Variants in PTPRG observed in about 807,000 individuals in gnomAD.
The protein encoded by PTPRG is receptor-type tyrosine-protein phosphatase gamma.
PTPRG carries 102 observed loss-of-function variants against 165.3 expected under a neutral mutation model. The observed-to-expected ratio is 0.62, with a 90% CI of 0.53 to 0.73. PTPRG has a LOEUF of 0.73. Ranked by LOEUF, PTPRG falls within the 30% of genes least tolerant of loss-of-function variation. The pLI is 0.00. For synonymous variants in PTPRG, 675 were observed against 669.5 expected (o/e 1.01, Z -0.13); for missense variants, 1,866 against 1,861.4 (o/e 1.00, Z -0.05).
chr3:61,975,802 A>G (rs1033861150), intron 2 of PTPRG, among the ~76,000 whole-genome samples: 3 of 152,196 alleles, frequency 2.0e-5, no homozygotes, highest in Non-Finnish European at 4.4e-5. Context: ...TGTGGTCTGT[A>G]AAGATTTTCA....
At chr3:61,845,286 C>T (rs2036774974) in intron 2 of PTPRG, among the ~76,000 whole-genome samples, 1 of 152,122 alleles carries the variant, frequency 6.6e-6, no homozygotes, top group African/African-American at 2.4e-5. Flanking sequence ...GATGGGAGAG[C>T]AGCTTGTGGT....
chr3:61,750,180 T>C (rs2033373990), intron 2 of PTPRG: 1 of 152,182 alleles, frequency 6.6e-6, no homozygotes, highest in Non-Finnish European at 1.5e-5. Context: ...ATGAAGGAAA[T>C]TGGCAGATGA....
chr3:62,131,376 G>A (rs1436523499), intron 5 of PTPRG, among the ~76,000 whole-genome samples: 2 of 152,202 alleles, frequency 1.3e-5, no homozygotes, highest in Admixed American at 6.5e-5. Flanking sequence ...AGTGTGTGCA[G>A]TGTGTGTTAT....
chr3:62,146,105 T>C (rs989246748), intron 6 of PTPRG, among the ~76,000 whole-genome samples: 7 of 152,226 alleles, frequency 4.6e-5, no homozygotes, highest in Admixed American at 6.5e-5. Flanking sequence ...AGTGATAATA[T>C]TGGGTTTTTG....
At chr3:62,209,589 T>A (rs1283798521) in intron 12 of PTPRG, among the ~76,000 whole-genome samples, 1 of 152,172 alleles carries the variant, frequency 6.6e-6, no homozygotes, top group African/African-American at 2.4e-5. Flanking sequence ...TTTCAGCCAG[T>A]GCTAGTTTTG....
At chr3:62,036,779 G>C (rs908144085) in intron 4 of PTPRG, among the ~76,000 whole-genome samples, 1 of 152,164 alleles carries the variant, frequency 6.6e-6, no homozygotes. Context: ...TTCAAAACAA[G>C]CTAGAAGACA....
In PTPRG at chr3:61,945,560, C is replaced by CAAAAAA. The variant is rs71123242; in HGVS notation, c.191-44041_191-44036dup. Reference sequence around the variant, plus strand: ...GGCAATAGGAATGAAACTCCGTCACCAAAAAAAAAAAAAAAAAAAAAAAAA... The same window carrying CAAAAAA: ...GGCAATAGGAATGAAACTCCGTCACCAAAAAAAAAAAAAAAAAAAAAAAAAAAAAAA... On this transcript the variant is annotated intron_variant, in intron 2 of 29. Coordinates refer to ENST00000474889, the MANE Select transcript of PTPRG (RefSeq NM_002841.4). Among the ~76,000 whole-genome samples the CAAAAAA allele has an allele frequency of 1.2e-3, 69 of 55,430 alleles. 1 individual carries two copies. Among genetic ancestry groups the CAAAAAA allele is most frequent in the African/African-American group, 4.2e-3 (60 of 14,326 alleles). 36.4% of individuals were successfully genotyped at this position (55,430 alleles called of 152,430 possible).
chr3:62,287,332 G>A lies in PTPRG; in HGVS notation c.4055+4463G>A, dbSNP rs140765009. ...CAGTACAATTTAGAATCTGAGGGAA[G>A]ACAACATGCTGAACAAGAACCAAAA... is the stretch of plus-strand genomic sequence containing the variant. On this transcript the variant is annotated intron_variant, in intron 28 of 29. Transcript: ENST00000474889. 3.6e-3 allele frequency among the ~76,000 whole-genome samples: 547 copies of A among 152,150 alleles called. 1 individual carries two copies. Among genetic ancestry groups the A allele is most frequent in the Admixed American group, 7.3e-3 (112 of 15,288 alleles).
At chr3:61,961,695 C>CA (rs1334701492) in intron 2 of PTPRG, among the ~76,000 whole-genome samples, 2 of 152,084 alleles carry the variant, frequency 1.3e-5, no homozygotes, top group Non-Finnish European at 2.9e-5. Context: ...CTCAACCAGA[C>CA]ACTAGAACTG....
Position 61,595,670 on chromosome 3 carries a change from C to G in PTPRG, c.85+33298C>G, listed in dbSNP as rs536404496. ...TATACTTGACACAGCATCTGTCAAG[C>G]TCAGTGGGACTGTCTAATATTCACA... On this transcript the variant is annotated intron_variant, in intron 1 of 29. Transcript: ENST00000474889. 3.2e-4 allele frequency among the ~76,000 whole-genome samples: 48 copies of G among 152,326 alleles called. No homozygotes were observed. The South Asian group carries it at 9.9e-3, about 32-fold the overall frequency.
At chr3:61,623,228 G>C (rs57953857) in intron 1 of PTPRG, among the ~76,000 whole-genome samples, 4,514 of 152,256 alleles carry the variant, frequency 0.03, 223 homozygotes, top group African/African-American at 0.1. Context: ...GGAGCTAATG[G>C]CAAGTTGGTG....
At chr3:61,618,600 A>G (rs867822738) in intron 1 of PTPRG, among the ~76,000 whole-genome samples, 3 of 152,310 alleles carry the variant, frequency 2.0e-5, no homozygotes, top group Middle Eastern at 3.4e-3. Flanking sequence ...TCGAGGGGAA[A>G]AAAACGGTAA....
intron 4 of PTPRG, 44 bp from the exon 5 acceptor site, chr3:62,078,119 T>C: frequency 1.5e-6 from 2 of 1,344,342 alleles, no homozygotes; most frequent in Non-Finnish European, 2.1e-6. Flanking sequence ...TTTTTATTTA[T>C]GTTTGAAAAT....
At chr3:61,750,696 G>C (rs1454847841) in intron 2 of PTPRG, 1 of 152,212 alleles carries the variant, frequency 6.6e-6, no homozygotes, top group African/African-American at 2.4e-5. Context: ...AGTACCCACT[G>C]ACAATTCTGG....
chr3:61,764,718 T>C (rs552381037), intron 2 of PTPRG, among the ~76,000 whole-genome samples: 62 of 152,356 alleles, frequency 4.1e-4, no homozygotes, highest in Non-Finnish European at 5.4e-4. Context: ...TACCTTAAAC[T>C]ACTCTGTGAA....
intron 2 of PTPRG, among the ~76,000 whole-genome samples, chr3:61,836,658 T>G (rs188285031): frequency 1.3e-3 from 197 of 152,368 alleles, no homozygotes; most frequent in African/African-American, 4.3e-3. Context: ...GCAGTAAGTT[T>G]TAATAACTTG....
intron 4 of PTPRG, among the ~76,000 whole-genome samples, chr3:62,023,646 T>G (rs1474780748): frequency 2.0e-5 from 3 of 152,196 alleles, no homozygotes; most frequent in Non-Finnish European, 4.4e-5. Flanking sequence ...TGGCTAAATT[T>G]AGATTCATCC....
chr3:61,828,049 C>A (rs1488354237), intron 2 of PTPRG, among the ~76,000 whole-genome samples: 1 of 152,148 alleles, frequency 6.6e-6, no homozygotes, highest in Non-Finnish European at 1.5e-5. Flanking sequence ...GACCTAAATT[C>A]CACGTACAGT....
chr3:61,636,639 C>G (rs1701916846), intron 1 of PTPRG, among the ~76,000 whole-genome samples: 2 of 152,324 alleles, frequency 1.3e-5, no homozygotes, highest in Admixed American at 1.3e-4. Flanking sequence ...ATCAATACTT[C>G]ATTTATTTTA....
Sources: allele counts gnomAD v4.1 joint callset (sites outside exome capture counted in the v4.1 genomes callset), GRCh38; gene constraint gnomAD v4.1.1; transcripts MANE v1.5; gene names NCBI Gene and HGNC (gene_info 2026-07-23, HGNC 2026-07-21).